The following CNTNAP2 variants were observed in gnomAD, a reference collection of about 807,000 sequenced individuals.
CNTNAP2 encodes contactin-associated protein-like 2.
Under a neutral mutation model 155.2 loss-of-function variants are expected in CNTNAP2, and 98 were observed. The ratio of observed to expected loss-of-function variants is 0.63; its 90% CI spans 0.54 to 0.75. The LOEUF (loss-of-function observed/expected upper bound fraction) is 0.75. Among genes scored for constraint, CNTNAP2 ranks in the 30% least tolerant of loss-of-function variants. The probability of loss-of-function intolerance (pLI) is 0.00; values close to 1 mark genes in which losing one functional copy is unlikely to be tolerated. For synonymous variants in CNTNAP2, 651 were observed against 631.2 expected (o/e 1.03, Z -0.47); for missense variants, 1,727 against 1,688.1 (o/e 1.02, Z -0.40).
chr7:146,923,051 A>C (rs1796536384), intron 3 of CNTNAP2, among the ~76,000 whole-genome samples: 1 of 152,200 alleles, frequency 6.6e-6, no homozygotes, highest in South Asian at 2.1e-4. Flanking sequence ...TCATGCAGAC[A>C]AGGTCATGCA....
intron 3 of CNTNAP2, among the ~76,000 whole-genome samples, chr7:146,864,597 A>C (rs1795166286): frequency 6.6e-6 from 1 of 152,188 alleles, no homozygotes; most frequent in Non-Finnish European, 1.5e-5. Flanking sequence ...AATAAACAGA[A>C]GCATAAAGAT....
chr7:146,986,707 T>C (rs1476040170), intron 3 of CNTNAP2, among the ~76,000 whole-genome samples: 1 of 151,978 alleles, frequency 6.6e-6, no homozygotes, highest in Non-Finnish European at 1.5e-5. Context: ...CTTGTAGGAG[T>C]AGGTGGTATT....
chr7:147,975,073 T>TATGATACAATTTTTTGTATTAC (rs1563154396), intron 14 of CNTNAP2, among the ~76,000 whole-genome samples: 1 of 102,540 alleles, frequency 9.8e-6, no homozygotes, highest in Non-Finnish European at 2.4e-5. Flanking sequence ...TTTTGTATTA[T>TATGATACAATTTTTTGTATTAC]GTATAATACA....
chr7:146,570,729 C>T (rs1239051328), intron 1 of CNTNAP2, among the ~76,000 whole-genome samples: 2 of 151,844 alleles, frequency 1.3e-5, no homozygotes, highest in African/African-American at 4.8e-5. Flanking sequence ...CATGTAAGAA[C>T]TGATGTTGTA....
intron 15 of CNTNAP2, among the ~76,000 whole-genome samples, chr7:148,076,369 C>G (rs1803484792): frequency 7.1e-6 from 1 of 141,204 alleles, no homozygotes; most frequent in Non-Finnish European, 1.5e-5. Flanking sequence ...CCCAAAATGT[C>G]AAGAATGCCA....
intron 22 of CNTNAP2, chr7:148,389,793 TTGC>T (rs1290104900): frequency 1.3e-5 from 2 of 152,090 alleles, no homozygotes; most frequent in African/African-American, 4.8e-5. Context: ...CAATTGCCTT[TTGC>T]TGCTGATGAT....
At chr7:146,403,953 G>A (rs573754702) in intron 1 of CNTNAP2, among the ~76,000 whole-genome samples, 2 of 151,230 alleles carry the variant, frequency 1.3e-5, no homozygotes, top group Non-Finnish European at 2.9e-5. Flanking sequence ...GCGAAACCCC[G>A]TCTCTACTAA....
intron 16 of CNTNAP2, among the ~76,000 whole-genome samples, chr7:148,125,683 GTGTGTGTATA>G (rs1804703505): frequency 7.1e-6 from 1 of 140,968 alleles, no homozygotes; most frequent in Admixed American, 7.1e-5. Flanking sequence ...GTGTGTGTGT[GTGTGTGTATA>G]TATATATAGT....
intron 13 of CNTNAP2, among the ~76,000 whole-genome samples, chr7:147,751,486 TAA>T (rs58705531): frequency 0.87 from 132,559 of 151,850 alleles, 59,976 homozygotes; most frequent in Non-Finnish European, 0.99. Context: ...ATAGATTTCA[TAA>T]AGTTTCAGAT....
chr7:146,944,343 AT>A (rs1563014381), intron 3 of CNTNAP2, among the ~76,000 whole-genome samples: 1 of 151,774 alleles, frequency 6.6e-6, no homozygotes, highest in Admixed American at 6.6e-5. Context: ...TCAACTGTAG[AT>A]TTTTTTAATT....
chr7:146,427,306 A>G lies in CNTNAP2; in HGVS notation c.97+310333A>G, dbSNP rs565266077. ...GGACAAATATTTTTGGGAAAGAGCC[A>G]GATAGCAGATATTTTAAGTTTCAGG... is the stretch of plus-strand genomic sequence containing the variant. On this transcript the variant is annotated intron_variant, in intron 1 of 23. Coordinates refer to ENST00000361727, the MANE Select transcript of CNTNAP2 (RefSeq NM_014141.6). Among the ~76,000 whole-genome samples, 111 of 152,284 alleles carry G rather than the reference A, an allele frequency of 7.3e-4. 1 individual carries two copies. Among genetic ancestry groups the G allele is most frequent in the Non-Finnish European group, 1.3e-4 (9 of 68,028 alleles).
chr7:146,720,951 T>A (rs1406689460), intron 1 of CNTNAP2, among the ~76,000 whole-genome samples: 12 of 130,862 alleles, frequency 9.2e-5, no homozygotes, highest in African/African-American at 4.0e-4. Context: ...CTCTATATAT[T>A]CTATATATAT....
chr7:146,281,989 G>C (rs1365303007), intron 1 of CNTNAP2, among the ~76,000 whole-genome samples: 1 of 152,008 alleles, frequency 6.6e-6, no homozygotes, highest in African/African-American at 2.4e-5. Flanking sequence ...TATATGCTTT[G>C]TTCCTCTTAG....
intron 1 of CNTNAP2, among the ~76,000 whole-genome samples, chr7:146,364,349 G>C (rs1795125952): frequency 6.6e-6 from 1 of 152,130 alleles, no homozygotes; most frequent in Non-Finnish European, 1.5e-5. Context: ...AACTAAGGCT[G>C]ACTTACAGAG....
chr7:146,551,728 A>G (rs1266119286), intron 1 of CNTNAP2, among the ~76,000 whole-genome samples: 1 of 152,100 alleles, frequency 6.6e-6, no homozygotes. Context: ...ATACCGCAGG[A>G]CCACATTTGT....
intron 13 of CNTNAP2, among the ~76,000 whole-genome samples, chr7:147,675,445 C>T (rs1429466681): frequency 1.3e-5 from 2 of 152,030 alleles, no homozygotes; most frequent in Non-Finnish European, 2.9e-5. Flanking sequence ...TTATGGGAGA[C>T]CACTAGTGTC....
At chr7:147,556,744 C>T (rs973707742) in intron 11 of CNTNAP2, among the ~76,000 whole-genome samples, 5 of 152,146 alleles carry the variant, frequency 3.3e-5, no homozygotes, top group African/African-American at 1.2e-4. Flanking sequence ...GCCCAGTGAA[C>T]CCCATTTCAA....
chr7:148,187,188 A>G (rs12703998), intron 18 of CNTNAP2, among the ~76,000 whole-genome samples: 61,722 of 151,450 alleles, frequency 0.41, 13,650 homozygotes, highest in Non-Finnish European at 0.48. Flanking sequence ...GGTTTCTAAC[A>G]ATAAGTCTTA....
rs1355920606 is a variant in CNTNAP2, at chr7:148,378,568, GACTC to G, written c.3476-5077_3476-5074del. Among the ~76,000 whole-genome samples, 2 of 66,920 alleles carry G rather than the reference GACTC, an allele frequency of 3.0e-5. 1 individual carries two copies. Among genetic ancestry groups the G allele is most frequent in the Non-Finnish European group, 8.3e-5 (2 of 23,974 alleles). 43.9% of individuals were successfully genotyped at this position (66,920 alleles called of 152,430 possible). A position where few individuals can be genotyped will look rare whatever the true frequency, so the allele number is the denominator to read the frequency against. ...TTTACTTAACATTTTCCTTTAAATGGACTCACTATTTTTACTTAAATAAATTTAT... is the reference window on the plus strand; with the variant it reads ...TTTACTTAACATTTTCCTTTAAATGGACTATTTTTACTTAAATAAATTTAT... On this transcript the variant is annotated intron_variant, in intron 21 of 23. Transcript: ENST00000361727.
Sources: allele counts gnomAD v4.1 joint callset (sites outside exome capture counted in the v4.1 genomes callset), GRCh38; gene constraint gnomAD v4.1.1; transcripts MANE v1.5; gene names NCBI Gene and HGNC (gene_info 2026-07-23, HGNC 2026-07-21).